The following HECW2 variants were observed in gnomAD, a reference collection of about 807,000 sequenced individuals.
The protein encoded by HECW2 is HECT, C2 and WW domain containing E3 ubiquitin protein ligase 2.
A neutral mutation model predicts 175.2 loss-of-function variants in HECW2; 61 were observed. That is an observed-to-expected ratio of 0.35 (90% CI 0.28 to 0.43). HECW2 has a LOEUF of 0.43. Among genes scored for constraint, HECW2 ranks in the 20% least tolerant of loss-of-function variants. The pLI is 1.00. For synonymous variants in HECW2, 671 were observed against 731.0 expected, an observed-to-expected ratio of 0.92 and a Z score of 1.32; for missense variants, 1,524 against 2,000.5, an observed-to-expected ratio of 0.76 and a Z score of 4.54.
chr2:196,387,448 C>T (rs1694381383), intron 2 of HECW2, among the ~76,000 whole-genome samples: 1 of 152,092 alleles, frequency 6.6e-6, no homozygotes, highest in African/African-American at 2.4e-5. Context: ...AAGGTAGCAC[C>T]ATCTGTGAGG....
At chr2:196,384,083 T>G (rs1694282070) in intron 2 of HECW2, among the ~76,000 whole-genome samples, 1 of 152,210 alleles carries the variant, frequency 6.6e-6, no homozygotes, top group Non-Finnish European at 1.5e-5. Context: ...CTTCCATCTG[T>G]GTAAAACCAA....
At chr2:196,304,184 G>GA (rs34935322) in intron 13 of HECW2, among the ~76,000 whole-genome samples, 1 of 152,142 alleles carries the variant, frequency 6.6e-6, no homozygotes, top group African/African-American at 2.4e-5. Context: ...ATGTGCCACA[G>GA]AAAACTCATT....
intron 21 of HECW2, chr2:196,239,896 A>C (rs1297090816): frequency 6.6e-6 from 1 of 152,236 alleles, no homozygotes; most frequent in Admixed American, 6.5e-5. Context: ...ATGTTTGTTT[A>C]TGTTAGGTAG....
intron 4 of HECW2, among the ~76,000 whole-genome samples, chr2:196,330,662 T>C (rs979431407): frequency 1.3e-5 from 2 of 152,044 alleles, no homozygotes; most frequent in Non-Finnish European, 2.9e-5. Context: ...ACTCCTCATC[T>C]CCCACCAACC....
At chr2:196,442,740 G>A (rs1030144572) in intron 1 of HECW2, among the ~76,000 whole-genome samples, 9 of 151,996 alleles carry the variant, frequency 5.9e-5, no homozygotes, top group Non-Finnish European at 1.0e-4. Flanking sequence ...AGAAAAAAGA[G>A]TATACTTTTT....
At chr2:196,318,508 C>T in intron 9 of HECW2, 44 bp downstream of exon 9, 1 of 1,435,026 alleles carries the variant, frequency 7.0e-7, no homozygotes, top group Non-Finnish European at 9.2e-7. Context: ...TCTCTCTGCA[C>T]AGCTACGCTC....
rs1374873336 is a variant in HECW2, at chr2:196,200,469, T to C, written c.*808A>G. 1 of 152,654 alleles carries C rather than the reference T, an allele frequency of 6.6e-6. No individual in the cohort carries two copies. The highest frequency in any genetic ancestry group is 1.5e-5 in the Non-Finnish European group (1 of 68,038). 9.5% of individuals were successfully genotyped at this position (152,654 alleles called of 1,614,324 possible). On this transcript the variant is annotated 3_prime_UTR_variant, in exon 29 of 29. Coordinates refer to ENST00000644978, the MANE Select transcript of HECW2 (RefSeq NM_001348768.2). Reference sequence around the variant, plus strand: ...ACAGCATGATAGGTAGGTTCTTATATACATCTTAAAGAACATAAACATAAT... The same window carrying C: ...ACAGCATGATAGGTAGGTTCTTATACACATCTTAAAGAACATAAACATAAT...
Position 196,242,021 on chromosome 2 carries a change from G to A in HECW2, c.3650+63C>T. On this transcript the variant is annotated intron_variant, in intron 20 of 28. Coordinates refer to ENST00000644978, the MANE Select transcript of HECW2 (RefSeq NM_001348768.2). ...CCAAATCACAATCAATTTCCTAGAG[G>A]CCCAACTGTGCCCTCTCCTTTCACC... 2.7e-6 allele frequency: 4 copies of A among 1,487,298 alleles called. No individual in the cohort carries two copies. The South Asian group carries it at 3.5e-5, about 13-fold the overall frequency. 92.1% of individuals were successfully genotyped at this position (1,487,298 alleles called of 1,614,324 possible). A position where few individuals can be genotyped will look rare whatever the true frequency, so the allele number is the denominator to read the frequency against.
At chr2:196,590,462 G>A (rs771310678) in intron 1 of HECW2, among the ~76,000 whole-genome samples, 1 of 152,156 alleles carries the variant, frequency 6.6e-6, no homozygotes, top group Non-Finnish European at 1.5e-5. Context: ...AGCAAAACTG[G>A]TTCCAGTTTT....
intron 21 of HECW2, among the ~76,000 whole-genome samples, chr2:196,231,994 TA>T (rs529994214): frequency 3.1e-4 from 47 of 149,288 alleles, no homozygotes; most frequent in African/African-American, 8.8e-4. Context: ...TTGTATCAAA[TA>T]AAAAAAAAAT....
intron 21 of HECW2, among the ~76,000 whole-genome samples, chr2:196,238,074 A>C (rs182216814): frequency 9.9e-5 from 15 of 152,268 alleles, no homozygotes; most frequent in South Asian, 4.1e-4. Flanking sequence ...CTCCATACAA[A>C]ACAAATTAGC....
At chr2:196,247,131 G>T (rs1412523304) in intron 19 of HECW2, among the ~76,000 whole-genome samples, 1 of 152,020 alleles carries the variant, frequency 6.6e-6, no homozygotes, top group Non-Finnish European at 1.5e-5. Flanking sequence ...TGTGCTTGTA[G>T]TCCCAGCTAC....
intron 1 of HECW2, among the ~76,000 whole-genome samples, chr2:196,544,775 CCA>C (rs1316368222): frequency 2.6e-5 from 4 of 152,118 alleles, no homozygotes; most frequent in Admixed American, 6.5e-5. Context: ...AACTGGCATA[CCA>C]CACACACAAT....
chr2:196,260,673 T>C (rs1423373959), intron 17 of HECW2: 1 of 152,254 alleles, frequency 6.6e-6, no homozygotes, highest in Non-Finnish European at 1.5e-5. Flanking sequence ...GGCATTAGTT[T>C]ACTGCCTGTA....
chr2:196,448,257 C>T (rs1696244062), intron 1 of HECW2, among the ~76,000 whole-genome samples: 1 of 152,122 alleles, frequency 6.6e-6, no homozygotes, highest in African/African-American at 2.4e-5. Flanking sequence ...AATAGATTTA[C>T]TTTAAGAGGC....
chr2:196,391,248 T>C lies in HECW2; in HGVS notation c.292+41884A>G, dbSNP rs536450771. 3.3e-5 allele frequency among the ~76,000 whole-genome samples: 5 copies of C among 152,312 alleles called. No homozygotes were observed. The East Asian group carries it at 7.7e-4, about 24-fold the overall frequency. ...AGGTTCTAGTAACTGTTCCCTCTTC[T>C]TACATCTTCAGGCCTAGGAGTAGTA... On this transcript the variant is annotated intron_variant, in intron 2 of 28. Transcript: ENST00000644978.
At chr2:196,404,840 T>C (rs1401600653) in intron 2 of HECW2, among the ~76,000 whole-genome samples, 1 of 96,600 alleles carries the variant, frequency 1.0e-5, no homozygotes, top group Admixed American at 1.2e-4. Flanking sequence ...TTTTTTTTTT[T>C]TTGAGACATA....
Position 196,200,691 on chromosome 2 carries a change from T to C in HECW2, c.*586A>G, listed in dbSNP as rs3748876. 5,169 of 152,826 alleles carry C rather than the reference T, an allele frequency of 0.034. 303 individuals carry two copies. The highest frequency in any genetic ancestry group is 0.28 in the East Asian group (1,457 of 5,168). 9.5% of individuals were successfully genotyped at this position (152,826 alleles called of 1,614,324 possible). A position where few individuals can be genotyped will look rare whatever the true frequency, so the allele number is the denominator to read the frequency against. ...TATACATTGTCACAGACCATCTTAT[T>C]GCAAATCTGTAAAGGTACCTCATAT... is the stretch of plus-strand genomic sequence containing the variant. On this transcript the variant is annotated 3_prime_UTR_variant, in exon 29 of 29. Transcript: ENST00000644978.
At chr2:196,499,354 A>G (rs1687502910) in intron 1 of HECW2, among the ~76,000 whole-genome samples, 1 of 152,174 alleles carries the variant, frequency 6.6e-6, no homozygotes, top group Non-Finnish European at 1.5e-5. Flanking sequence ...AGGTTATGAA[A>G]GTATTCGTTC....
Sources: gnomAD v4.1 joint callset for allele counts (sites outside exome capture counted in the v4.1 genomes callset) on GRCh38, gnomAD v4.1.1 for gene constraint, MANE v1.5 for transcripts, NCBI Gene and HGNC (gene_info 2026-07-23, HGNC 2026-07-21) for gene names.